The following TBC1D31 variants were observed in gnomAD, a reference collection of about 807,000 sequenced individuals.
The protein encoded by TBC1D31 is TBC1 domain family member 31, also known as WD repeat domain 67.
Under a neutral mutation model 132.9 loss-of-function variants are expected in TBC1D31, and 99 were observed. The ratio of observed to expected loss-of-function variants is 0.74; its 90% CI spans 0.63 to 0.88. The LOEUF is 0.88. TBC1D31 is among the 40% of genes least tolerant of loss of function. TBC1D31 has a pLI of 0.00. For synonymous variants in TBC1D31, 385 were observed against 419.4 expected (o/e 0.92, Z 1.00); for missense variants, 1,134 against 1,256.6 (o/e 0.90, Z 1.48).
At chr8:123,098,296 T>C (rs576940760) in intron 6 of TBC1D31, among the ~76,000 whole-genome samples, 224 of 152,282 alleles carry the variant, frequency 1.5e-3, no homozygotes, top group African/African-American at 4.8e-3. Context: ...CCTTCTATTC[T>C]TCCAGTTTTT....
chr8:123,125,260 T>C (rs1197662653), intron 11 of TBC1D31, among the ~76,000 whole-genome samples: 2 of 152,236 alleles, frequency 1.3e-5, no homozygotes, highest in African/African-American at 2.4e-5. Flanking sequence ...GATGGTCTTA[T>C]ATACGGCTTT....
downstream of TBC1D31, among the ~76,000 whole-genome samples, chr8:123,152,316 A>G (rs569443620): frequency 2.0e-5 from 3 of 152,284 alleles, no homozygotes; most frequent in South Asian, 6.2e-4. Flanking sequence ...GGAGAGCGCC[A>G]GCAGCGTGGA....
At chr8:123,076,027 T>G (rs1814476319) in intron 1 of TBC1D31, among the ~76,000 whole-genome samples, 1 of 152,144 alleles carries the variant, frequency 6.6e-6, no homozygotes, top group Non-Finnish European at 1.5e-5. Context: ...GGGAAAAAAA[T>G]TAACCATATT....
intron 21 of TBC1D31, among the ~76,000 whole-genome samples, chr8:123,150,934 A>G (rs1440557891): frequency 1.3e-5 from 2 of 152,244 alleles, no homozygotes; most frequent in African/African-American, 4.8e-5. Flanking sequence ...CTTTTATACA[A>G]TGTCCCAAAA....
chr8:123,155,049 C>G (rs1190167877), downstream of TBC1D31, among the ~76,000 whole-genome samples: 5 of 152,194 alleles, frequency 3.3e-5, no homozygotes, highest in African/African-American at 9.7e-5. This position sits in a 1 kb window ranked among gnomAD's most constrained non-coding sequence, Gnocchi z 4.1. Context: ...AGTGGCTCCA[C>G]AGTTTACTTG....
intron 17 of TBC1D31, among the ~76,000 whole-genome samples, chr8:123,135,339 A>C (rs16898030): frequency 0.018 from 2,739 of 152,312 alleles, 76 homozygotes; most frequent in African/African-American, 0.061. Context: ...ATGTTTTGTT[A>C]CTCATTTAGT....
intron 17 of TBC1D31, among the ~76,000 whole-genome samples, chr8:123,136,510 G>A (rs1821105335): frequency 6.6e-6 from 1 of 152,164 alleles, no homozygotes; most frequent in Admixed American, 6.5e-5. Context: ...GAGTACAATG[G>A]CGCGATCTCG....
intron 2 of TBC1D31, among the ~76,000 whole-genome samples, chr8:123,082,082 G>A (rs1296238550): frequency 6.6e-6 from 1 of 152,108 alleles, no homozygotes; most frequent in Non-Finnish European, 1.5e-5. Flanking sequence ...TTTCACAAGG[G>A]CCTTAAACAA....
chr8:123,100,709 TACAC>T, intron 6 of TBC1D31, 94 bp from the exon 7 acceptor site: 1 of 791,746 alleles, frequency 1.3e-6, no homozygotes, highest in Non-Finnish European at 2.1e-6. Flanking sequence ...CACACATACA[TACAC>T]AAACGTTGCA....
At chr8:123,109,228 T>C in intron 8 of TBC1D31, 89 bp from the exon 9 acceptor site, 1 of 883,528 alleles carries the variant, frequency 1.1e-6, no homozygotes, top group Non-Finnish European at 1.8e-6. Flanking sequence ...TTTTCTAAAG[T>C]TGGGAAGTCA....
the TBC1D31 span, among the ~76,000 whole-genome samples, chr8:123,163,386 A>G: frequency 2.9e-5 from 1 of 34,736 alleles, no homozygotes; most frequent in African/African-American, 1.1e-4. Flanking sequence ...TTTTTTTGAG[A>G]TAGAGTCTTG....
chr8:123,082,798 T>G lies in TBC1D31; in HGVS notation c.321T>G (p.Ser107=). ...SEFLVALADY[S]IKCFDTVTKE... ...TCCTTGTGGCATTAGCTGATTATTC[T>G]ATTAAATGTTTTGATACAGGTAAGA... The change falls in exon 3 of 22, where the codon TCT becomes TCG. Residue 107 remains serine, a synonymous_variant. Transcript: ENST00000287380. The G allele has an allele frequency of 2.5e-6, 4 of 1,611,318 alleles. No individual in the cohort carries two copies. The highest frequency in any genetic ancestry group is 3.4e-6 in the Non-Finnish European group (4 of 1,178,266).
downstream of TBC1D31, among the ~76,000 whole-genome samples, chr8:123,154,198 A>C (rs1822931953): frequency 6.6e-6 from 1 of 152,204 alleles, no homozygotes; most frequent in South Asian, 2.1e-4. Flanking sequence ...TTAATGTTTA[A>C]TCTCATTGTA....
At chr8:123,120,023 T>C (rs1466262357) in intron 10 of TBC1D31, 32 bp from the exon 11 acceptor site, 5 of 1,516,888 alleles carry the variant, frequency 3.3e-6, no homozygotes, top group Non-Finnish European at 4.4e-6. Context: ...TTTATTCAAA[T>C]AAATTTTAAT....
intron 4 of TBC1D31, 21 bp from the exon 5 acceptor site, chr8:123,093,570 A>G: frequency 6.4e-7 from 1 of 1,561,874 alleles, no homozygotes; most frequent in South Asian, 1.2e-5. Context: ...GTGAAAACTA[A>G]CTTTCTCTAT....
chr8:123,147,954 C>T (rs943980395), intron 20 of TBC1D31, among the ~76,000 whole-genome samples: 1 of 151,866 alleles, frequency 6.6e-6, no homozygotes, highest in Non-Finnish European at 1.5e-5. Flanking sequence ...GGTGAAACCC[C>T]CGTCTCTACT....
chr8:123,102,502 A>G (rs1232331724), intron 7 of TBC1D31: 1 of 286,596 alleles, frequency 3.5e-6, no homozygotes, highest in East Asian at 1.0e-4. Flanking sequence ...AAGTCTCACC[A>G]TTCTCAGAAG....
In TBC1D31 at chr8:123,151,963, C is replaced by CGA. The variant is rs1822827549; in HGVS notation, c.*33_*34dup. The CGA allele has an allele frequency of 6.9e-7, 1 of 1,452,524 alleles. No homozygotes were observed. The allele number at this position is 1,452,524 out of a possible 1,614,324, so 90.0% of individuals were successfully genotyped here. ...AGAATGCATGTCACCTTGAGACGGT[C>CGA]GAGAGAGAGACCTATTTTGCAATCA... is the stretch of plus-strand genomic sequence containing the variant. On this transcript the variant is annotated 3_prime_UTR_variant, in exon 22 of 22. Transcript: ENST00000287380.
chr8:123,128,550 G>T, intron 14 of TBC1D31, 37 bp downstream of exon 14: 1 of 1,415,808 alleles, frequency 7.1e-7, no homozygotes, highest in Admixed American at 1.8e-5. Flanking sequence ...CTGATACAAT[G>T]AAATATGTTA....
Sources: gnomAD v4.1 joint callset for allele counts (sites outside exome capture counted in the v4.1 genomes callset) on GRCh38, gnomAD v4.1.1 for gene constraint, Gnocchi (gnomAD v3.1) non-coding constraint, MANE v1.5 for transcripts, NCBI Gene and HGNC (gene_info 2026-07-23, HGNC 2026-07-21) for gene names.